The following CPQ variants were observed in gnomAD, a reference collection of about 807,000 sequenced individuals.
CPQ encodes the protein Ser-Met dipeptidase.
A neutral mutation model predicts 45.7 loss-of-function variants in CPQ; 37 were observed. The observed-to-expected ratio is 0.81, with a 90% CI of 0.62 to 1.07. The LOEUF is 1.07. CPQ is among the 50% of genes least tolerant of loss of function. CPQ has a pLI of 0.00. For synonymous variants in CPQ, 186 were observed against 205.8 expected (o/e 0.90, Z 0.82); for missense variants, 537 against 572.9 (o/e 0.94, Z 0.64).
At chr8:96,677,648 T>G (rs1809093415) in intron 1 of CPQ, among the ~76,000 whole-genome samples, 1 of 152,174 alleles carries the variant, frequency 6.6e-6, no homozygotes, top group East Asian at 1.9e-4. Flanking sequence ...ATTATTTCTT[T>G]TGCTGTGCAG....
intron 3 of CPQ, among the ~76,000 whole-genome samples, chr8:96,874,471 C>T (rs565191020): frequency 3.2e-4 from 49 of 151,904 alleles, no homozygotes; most frequent in African/African-American, 1.2e-3. Flanking sequence ...CCACTCTCCC[C>T]TGCCAGTCCT....
intron 3 of CPQ, among the ~76,000 whole-genome samples, chr8:96,863,437 A>G (rs1477307508): frequency 1.3e-5 from 2 of 152,028 alleles, no homozygotes; most frequent in African/African-American, 4.8e-5. Flanking sequence ...CTGAAGGCTG[A>G]CCCTGGACTA....
chr8:96,689,830 C>CT (rs1809281326), intron 1 of CPQ, among the ~76,000 whole-genome samples: 1 of 151,904 alleles, frequency 6.6e-6, no homozygotes, highest in Admixed American at 6.6e-5. Flanking sequence ...TGTATATATC[C>CT]TTTTTTCTAT....
intron 1 of CPQ, among the ~76,000 whole-genome samples, chr8:96,689,842 ATC>A (rs1225797791): frequency 6.6e-6 from 1 of 152,016 alleles, no homozygotes; most frequent in Admixed American, 6.6e-5. Context: ...TTTTTCTATA[ATC>A]ATTAAAAAAT....
intron 1 of CPQ, among the ~76,000 whole-genome samples, chr8:96,747,863 G>A (rs1203857531): frequency 6.6e-6 from 1 of 152,152 alleles, no homozygotes; most frequent in African/African-American, 2.4e-5. Flanking sequence ...TTGACAAGCT[G>A]ACCAAATATG....
At chr8:96,924,076 G>A (rs1420992668) in intron 4 of CPQ, among the ~76,000 whole-genome samples, 1 of 152,192 alleles carries the variant, frequency 6.6e-6, no homozygotes, top group East Asian at 1.9e-4. Context: ...AGAGCCTTCA[G>A]GCAGAAAAGC....
At chr8:96,653,657 T>C (rs1319869320) in intron 1 of CPQ, among the ~76,000 whole-genome samples, 1 of 152,128 alleles carries the variant, frequency 6.6e-6, no homozygotes, top group Non-Finnish European at 1.5e-5. Context: ...TAGAGTAAGG[T>C]AGAGAAAAGA....
At chr8:96,758,893 CT>C (rs1810361745) in intron 1 of CPQ, among the ~76,000 whole-genome samples, 1 of 152,142 alleles carries the variant, frequency 6.6e-6, no homozygotes, top group Non-Finnish European at 1.5e-5. Context: ...CCAAGTCTCA[CT>C]CTTTATATCT....
Position 96,686,910 on chromosome 8 carries a change from C to T in CPQ, c.-35+41508C>T, listed in dbSNP as rs181031328. 5.9e-3 allele frequency among the ~76,000 whole-genome samples: 899 copies of T among 152,140 alleles called. 12 individuals carry two copies. The highest frequency in any genetic ancestry group is 0.02 in the African/African-American group (830 of 41,538). ...TTCAAATTTATCTGGGATGTGATTTCTTAGAAAAGCATCTTAATTCTCAAA... is the reference window on the plus strand; with the variant it reads ...TTCAAATTTATCTGGGATGTGATTTTTTAGAAAAGCATCTTAATTCTCAAA... On this transcript the variant is annotated intron_variant, in intron 1 of 7. Coordinates refer to ENST00000220763, the MANE Select transcript of CPQ (RefSeq NM_016134.4).
intron 2 of CPQ, among the ~76,000 whole-genome samples, chr8:96,791,672 C>A (rs1185114549): frequency 6.6e-6 from 1 of 152,138 alleles, no homozygotes; most frequent in Non-Finnish European, 1.5e-5. Flanking sequence ...TAGGCTGGAC[C>A]AGGTGTGGAA....
At chr8:96,904,910 G>A (rs1812556664) in intron 4 of CPQ, among the ~76,000 whole-genome samples, 1 of 152,242 alleles carries the variant, frequency 6.6e-6, no homozygotes, top group Non-Finnish European at 1.5e-5. Context: ...GCTGATTACT[G>A]TATAGGGTCA....
At chr8:96,851,086 T>C (rs1021817574) in intron 3 of CPQ, among the ~76,000 whole-genome samples, 1 of 151,900 alleles carries the variant, frequency 6.6e-6, no homozygotes, top group South Asian at 2.1e-4. Flanking sequence ...GGATGCTTCA[T>C]AAATATCACC....
At chr8:96,866,776 A>G (rs534851476) in intron 3 of CPQ, among the ~76,000 whole-genome samples, 1 of 152,234 alleles carries the variant, frequency 6.6e-6, no homozygotes, top group East Asian at 1.9e-4. Flanking sequence ...CTGAAACTAC[A>G]GCAACTACTT....
At chr8:96,934,675 C>G (rs995793420) in intron 4 of CPQ, among the ~76,000 whole-genome samples, 1 of 152,154 alleles carries the variant, frequency 6.6e-6, no homozygotes. Flanking sequence ...ACAAGCCCCC[C>G]ACTCCCACCC....
At chr8:97,065,011 G>A (rs1255212965) in intron 6 of CPQ, among the ~76,000 whole-genome samples, 1 of 152,118 alleles carries the variant, frequency 6.6e-6, no homozygotes, top group Non-Finnish European at 1.5e-5. Context: ...GAACACCAAA[G>A]GAGATTGCAA....
chr8:96,984,079 T>G (rs1313114610), intron 5 of CPQ, among the ~76,000 whole-genome samples: 1 of 152,130 alleles, frequency 6.6e-6, no homozygotes, highest in Non-Finnish European at 1.5e-5. Flanking sequence ...TCATTTTCTC[T>G]CCACTATTTA....
chr8:96,682,235 G>A (rs2464488), intron 1 of CPQ, among the ~76,000 whole-genome samples: 107,715 of 151,952 alleles, frequency 0.71, 38,597 homozygotes, highest in Middle Eastern at 0.82. Context: ...TGTGTTGTGG[G>A]GGGGACCCAG....
At chr8:96,718,675 TG>T (rs1300974933) in intron 1 of CPQ, among the ~76,000 whole-genome samples, 1 of 152,182 alleles carries the variant, frequency 6.6e-6, no homozygotes, top group Non-Finnish European at 1.5e-5. Context: ...TTCTCTTATC[TG>T]GCCCCACCCA....
chr8:97,016,245 A>C (rs1453465737), intron 5 of CPQ, among the ~76,000 whole-genome samples: 1 of 152,208 alleles, frequency 6.6e-6, no homozygotes, highest in Non-Finnish European at 1.5e-5. Context: ...GAGTAGACCC[A>C]GCTGTGCTAC....
Sources: allele counts gnomAD v4.1 joint callset (sites outside exome capture counted in the v4.1 genomes callset), GRCh38; gene constraint gnomAD v4.1.1; transcripts MANE v1.5; gene names NCBI Gene and HGNC (gene_info 2026-07-23, HGNC 2026-07-21).